The following ATP8B4 variants were observed in gnomAD, a reference collection of about 807,000 sequenced individuals.
ATP8B4 encodes ATPase phospholipid transporting 8B4 (putative).
A neutral mutation model predicts 145.6 loss-of-function variants in ATP8B4; 133 were observed. The ratio of observed to expected loss-of-function variants is 0.91; its 90% CI spans 0.79 to 1.05. The LOEUF (loss-of-function observed/expected upper bound fraction) is 1.05. ATP8B4 is among the 50% of genes least tolerant of loss of function. The probability of loss-of-function intolerance (pLI) is 0.00; values close to 1 mark genes in which losing one functional copy is unlikely to be tolerated. For missense variants in ATP8B4, 1,458 were observed against 1,425.2 expected (o/e 1.02, Z -0.37); for synonymous variants, 507 against 492.9 (o/e 1.03, Z -0.38).
At chr15:50,072,396 A>G (rs1333954387) in intron 3 of ATP8B4, among the ~76,000 whole-genome samples, 2 of 152,212 alleles carry the variant, frequency 1.3e-5, no homozygotes, top group Non-Finnish European at 2.9e-5. Flanking sequence ...GTAGCAACTT[A>G]CACAGAGTCA....
At chr15:49,873,984 T>G (rs1012698935) in intron 25 of ATP8B4, among the ~76,000 whole-genome samples, 3 of 152,224 alleles carry the variant, frequency 2.0e-5, no homozygotes, top group Non-Finnish European at 4.4e-5. Context: ...CCTAGGAACT[T>G]GACACACCCA....
At chr15:50,150,446 C>T (rs557419938) in intron 1 of ATP8B4, among the ~76,000 whole-genome samples, 1 of 152,170 alleles carries the variant, frequency 6.6e-6, no homozygotes, top group African/African-American at 2.4e-5. Flanking sequence ...TCTCCAAAAG[C>T]ATCACTGATC....
At chr15:49,947,957 A>T (rs1344410871) in intron 14 of ATP8B4, among the ~76,000 whole-genome samples, 1 of 152,202 alleles carries the variant, frequency 6.6e-6, no homozygotes, top group Non-Finnish European at 1.5e-5. Context: ...TACATCTAAC[A>T]CAAAAATCAA....
At chr15:50,135,307 AT>A (rs2044106414) in intron 1 of ATP8B4, among the ~76,000 whole-genome samples, 1 of 152,048 alleles carries the variant, frequency 6.6e-6, no homozygotes, top group South Asian at 2.1e-4. Context: ...CATTATCTGG[AT>A]TTTCCCTCCA....
chr15:49,957,379 A>G (rs1047642607), intron 14 of ATP8B4, among the ~76,000 whole-genome samples: 1 of 151,946 alleles, frequency 6.6e-6, no homozygotes, highest in Non-Finnish European at 1.5e-5. Flanking sequence ...AGAGTAAAAG[A>G]AAGAGACCAT....
At chr15:49,979,407 CAAG>C (rs2045964546) in intron 12 of ATP8B4, among the ~76,000 whole-genome samples, 3 of 152,172 alleles carry the variant, frequency 2.0e-5, no homozygotes, top group South Asian at 4.1e-4. Context: ...CAAATCAAAT[CAAG>C]AAGAAAATTA....
intron 16 of ATP8B4, among the ~76,000 whole-genome samples, chr15:49,927,244 A>C (rs1283314023): frequency 5.3e-5 from 8 of 152,096 alleles, no homozygotes; most frequent in Non-Finnish European, 1.2e-4. Flanking sequence ...TTCAGAATGA[A>C]AGTACTACTG....
intron 23 of ATP8B4, among the ~76,000 whole-genome samples, chr15:49,887,920 C>CT (rs1381285075): frequency 2.0e-5 from 3 of 152,208 alleles, no homozygotes; most frequent in Admixed American, 2.0e-4. Context: ...TTTCTCTGCT[C>CT]TTTCTGCTCG....
chr15:50,072,780 C>T (rs909050361), intron 3 of ATP8B4, among the ~76,000 whole-genome samples: 1 of 151,036 alleles, frequency 6.6e-6, no homozygotes, highest in Non-Finnish European at 1.5e-5. Context: ...CGCCCACCAT[C>T]ATGCCTAACT....
At chr15:49,883,932 T>C (rs757770004) in intron 23 of ATP8B4, among the ~76,000 whole-genome samples, 7 of 152,236 alleles carry the variant, frequency 4.6e-5, no homozygotes, top group Non-Finnish European at 1.0e-4. Context: ...CTCATGAGTC[T>C]GTATGATATG....
At chr15:49,940,887 A>T (rs2042113026) in intron 14 of ATP8B4, among the ~76,000 whole-genome samples, 1 of 152,236 alleles carries the variant, frequency 6.6e-6, no homozygotes, top group African/African-American at 2.4e-5. Context: ...TCATCACAGC[A>T]TAAAAACAGA....
At chr15:50,037,995 T>G (rs957089045) in intron 6 of ATP8B4, among the ~76,000 whole-genome samples, 1 of 152,186 alleles carries the variant, frequency 6.6e-6, no homozygotes, top group Non-Finnish European at 1.5e-5. Context: ...TCTTTAAAAA[T>G]TACATTCTTC....
intron 14 of ATP8B4, among the ~76,000 whole-genome samples, chr15:49,958,440 G>T (rs1012275409): frequency 4.0e-5 from 6 of 151,680 alleles, no homozygotes; most frequent in African/African-American, 1.4e-4. Context: ...TGATTAAAAT[G>T]CAGGAAAAAA....
chr15:49,921,936 T>G (rs1330170167), intron 17 of ATP8B4, among the ~76,000 whole-genome samples: 1 of 152,222 alleles, frequency 6.6e-6, no homozygotes, highest in African/African-American at 2.4e-5. Context: ...CACAAGCACT[T>G]TTTTGCCTTT....
intron 6 of ATP8B4, among the ~76,000 whole-genome samples, chr15:50,021,129 T>G (rs545100478): frequency 2.3e-5 from 3 of 129,720 alleles, no homozygotes; most frequent in Non-Finnish European, 5.3e-5. Flanking sequence ...GATAGATAGA[T>G]AGATAGATAG....
chr15:50,178,593 C>T lies in ATP8B4; in HGVS notation c.-43+3668G>A, dbSNP rs79803381. Reference sequence around the variant, plus strand: ...GCCCAGTCCAGTCTTGAACTCCTGGCCTCAAGTGATCCTCCTGCCTCAGTC... The same window carrying T: ...GCCCAGTCCAGTCTTGAACTCCTGGTCTCAAGTGATCCTCCTGCCTCAGTC... On this transcript the variant is annotated intron_variant, in intron 1 of 3. Transcript: ENST00000558829. Among the ~76,000 whole-genome samples the T allele has an allele frequency of 1.8e-3, 274 of 152,112 alleles. 3 individuals are homozygous for T. Among genetic ancestry groups the T allele is most frequent in the Non-Finnish European group, 2.0e-3 (136 of 67,984 alleles).
chr15:50,077,990 T>G (rs1349826381), intron 2 of ATP8B4, among the ~76,000 whole-genome samples: 2 of 152,054 alleles, frequency 1.3e-5, no homozygotes, highest in Non-Finnish European at 2.9e-5. Flanking sequence ...ATGGCACTAA[T>G]CTATCTAGTC....
intron 1 of ATP8B4, among the ~76,000 whole-genome samples, chr15:50,162,298 CTTTA>C (rs1264986911): frequency 2.0e-5 from 3 of 151,006 alleles, no homozygotes; most frequent in Non-Finnish European, 4.4e-5. Context: ...CCTTCTTATA[CTTTA>C]TTAATATCTT....
intron 3 of ATP8B4, among the ~76,000 whole-genome samples, chr15:50,066,662 T>A (rs2053403339): frequency 6.6e-6 from 1 of 152,178 alleles, no homozygotes; most frequent in East Asian, 1.9e-4. Flanking sequence ...CCAAAATATG[T>A]GAAAAGATTG....
Sources: allele counts gnomAD v4.1 joint callset (sites outside exome capture counted in the v4.1 genomes callset), GRCh38; gene constraint gnomAD v4.1.1; transcripts MANE v1.5; gene names NCBI Gene and HGNC (gene_info 2026-07-23, HGNC 2026-07-21).